CTNNA2: variants seen among roughly 807,000 people sequenced by gnomAD.
CTNNA2 encodes the protein catenin alpha-2.
In CTNNA2, 42 loss-of-function variants were observed where a neutral mutation model predicts 101.0. That is an observed-to-expected ratio of 0.42 (90% CI 0.32 to 0.54). The LOEUF is 0.54. Among genes scored for constraint, CTNNA2 ranks in the 20% least tolerant of loss-of-function variants. CTNNA2 has a pLI of 0.14. For synonymous variants in CTNNA2, 450 were observed against 456.4 expected (o/e 0.99, Z 0.18); for missense variants, 871 against 1,223.1 (o/e 0.71, Z 4.29).
At chr2:79,221,487 G>T (rs1476084517) in intron 2 of CTNNA2, among the ~76,000 whole-genome samples, 1 of 152,096 alleles carries the variant, frequency 6.6e-6, no homozygotes, top group Non-Finnish European at 1.5e-5. Flanking sequence ...CACTCTAAGG[G>T]TATACTTGCA....
At chr2:80,546,852 A>G (rs1692119793) in intron 11 of CTNNA2, among the ~76,000 whole-genome samples, 1 of 152,220 alleles carries the variant, frequency 6.6e-6, no homozygotes, top group Non-Finnish European at 1.5e-5. Context: ...CACTGGAAAC[A>G]TCAGCCTTCT....
chr2:79,651,503 A>G, intron 1 of CTNNA2, 49 bp from the exon 2 acceptor site: 2 of 1,548,930 alleles, frequency 1.3e-6, no homozygotes, highest in South Asian at 2.2e-5. Context: ...CAAAGTTACA[A>G]TTTATTTCAA....
chr2:80,545,886 T>C (rs1486392221), intron 10 of CTNNA2, 21 bp from the exon 11 acceptor site: 1 of 1,611,578 alleles, frequency 6.2e-7, no homozygotes, highest in Non-Finnish European at 8.5e-7. Flanking sequence ...ATCATGTCCC[T>C]GGATTGTTTC....
intron 4 of CTNNA2, among the ~76,000 whole-genome samples, chr2:79,454,885 T>C (rs1405593602): frequency 2.0e-5 from 3 of 152,224 alleles, no homozygotes; most frequent in African/African-American, 7.2e-5. Context: ...CTCGTATCTT[T>C]CTTGTTACAC....
intron 13 of CTNNA2, among the ~76,000 whole-genome samples, chr2:80,578,703 G>A (rs17019392): frequency 7.4e-4 from 113 of 152,146 alleles, no homozygotes; most frequent in Admixed American, 1.7e-3. Context: ...CTCTGAAACC[G>A]TCAACTTGTT....
chr2:80,027,494 G>A (rs1695004704), intron 7 of CTNNA2, among the ~76,000 whole-genome samples: 1 of 152,208 alleles, frequency 6.6e-6, no homozygotes, highest in African/African-American at 2.4e-5. Flanking sequence ...GCTTCTGTGT[G>A]GAGAATGGAC....
At chr2:79,928,611 C>T (rs1292971481) in intron 7 of CTNNA2, among the ~76,000 whole-genome samples, 1 of 152,106 alleles carries the variant, frequency 6.6e-6, no homozygotes, top group Admixed American at 6.6e-5. Context: ...AAACTATTAC[C>T]TACCACTGGA....
chr2:79,384,028 G>T (rs1175532001), intron 4 of CTNNA2, among the ~76,000 whole-genome samples: 3 of 152,140 alleles, frequency 2.0e-5, no homozygotes, highest in Admixed American at 2.0e-4. Flanking sequence ...AGAGAAATTG[G>T]ATGGTGCTTA....
At chr2:79,687,397 A>G (rs946653911) in intron 2 of CTNNA2, among the ~76,000 whole-genome samples, 1 of 152,022 alleles carries the variant, frequency 6.6e-6, no homozygotes, top group Middle Eastern at 3.4e-3. Flanking sequence ...AGATACTATT[A>G]TAGTACTGAG....
chr2:79,441,090 A>G (rs1006196792), intron 4 of CTNNA2, among the ~76,000 whole-genome samples: 1 of 152,142 alleles, frequency 6.6e-6, no homozygotes, highest in African/African-American at 2.4e-5. Flanking sequence ...TTACAAAGGT[A>G]TTCACACCCC....
intron 7 of CTNNA2, among the ~76,000 whole-genome samples, chr2:80,106,368 C>T (rs764783075): frequency 3.3e-5 from 5 of 152,136 alleles, no homozygotes; most frequent in South Asian, 2.1e-4. Context: ...CAAGGTGCAA[C>T]GTTACAAGTG....
At chr2:79,733,375 T>C (rs1322574028) in intron 2 of CTNNA2, among the ~76,000 whole-genome samples, 1 of 152,116 alleles carries the variant, frequency 6.6e-6, no homozygotes, top group African/African-American at 2.4e-5. Flanking sequence ...GTATTATGAA[T>C]AAAGGCAGTG....
chr2:79,658,931 C>A (rs1681814251), intron 2 of CTNNA2, among the ~76,000 whole-genome samples: 1 of 151,976 alleles, frequency 6.6e-6, no homozygotes, highest in African/African-American at 2.4e-5. Context: ...TAATAATTAT[C>A]TCAAGCTAAT....
chr2:80,025,202 G>A (rs773059757), intron 7 of CTNNA2, among the ~76,000 whole-genome samples: 3 of 152,166 alleles, frequency 2.0e-5, no homozygotes, highest in South Asian at 2.1e-4. Context: ...ATGGGCCAGG[G>A]TGGTTTTGGA....
At chr2:80,322,748 A>G (rs1392541446) in intron 7 of CTNNA2, among the ~76,000 whole-genome samples, 1 of 152,096 alleles carries the variant, frequency 6.6e-6, no homozygotes, top group Non-Finnish European at 1.5e-5. Context: ...TTCCTCACTC[A>G]GCATGTGAGA....
At chr2:80,314,408 T>C (rs1002436335) in intron 7 of CTNNA2, among the ~76,000 whole-genome samples, 1 of 152,114 alleles carries the variant, frequency 6.6e-6, no homozygotes. Context: ...CAAGAAAGAA[T>C]AGGATGGGGC....
intron 4 of CTNNA2, among the ~76,000 whole-genome samples, chr2:79,395,531 G>T (rs1162298816): frequency 6.6e-6 from 1 of 151,982 alleles, no homozygotes; most frequent in Non-Finnish European, 1.5e-5. Context: ...GAAAATTTTT[G>T]AATGTTGCCT....
intron 7 of CTNNA2, among the ~76,000 whole-genome samples, chr2:80,009,505 C>T (rs537923315): frequency 2.0e-5 from 3 of 152,260 alleles, no homozygotes; most frequent in African/African-American, 7.2e-5. Context: ...TGTGTTTGTA[C>T]TTCGCAATAT....
chr2:79,655,687 G>A (rs915487698), intron 2 of CTNNA2, among the ~76,000 whole-genome samples: 2 of 151,966 alleles, frequency 1.3e-5, no homozygotes, highest in African/African-American at 4.8e-5. Context: ...AACTTAGACA[G>A]GCATGGTGGT....
Sources: gnomAD v4.1 joint callset for allele counts (sites outside exome capture counted in the v4.1 genomes callset) on GRCh38, gnomAD v4.1.1 for gene constraint, MANE v1.5 for transcripts, NCBI Gene and HGNC (gene_info 2026-07-23, HGNC 2026-07-21) for gene names.